Variants in DRG1 observed in about 807,000 individuals in gnomAD.
DRG1 encodes developmentally regulated GTP binding protein 1.
Under a neutral mutation model 38.8 loss-of-function variants are expected in DRG1, and 19 were observed. The ratio of observed to expected loss-of-function variants is 0.49; its 90% CI spans 0.34 to 0.72. The LOEUF (loss-of-function observed/expected upper bound fraction) is 0.72, where lower values mean the gene tolerates loss of function less well. DRG1 is among the 30% of genes least tolerant of loss of function. DRG1 has a pLI of 0.01. For synonymous variants in DRG1, 167 were observed against 157.5 expected, an observed-to-expected ratio of 1.06 and a Z score of -0.45; for missense variants, 299 against 444.8, an observed-to-expected ratio of 0.67 and a Z score of 2.95.
intron 7 of DRG1, 74 bp from the exon 8 acceptor site, chr22:31,426,983 GTGA>G: frequency 1.9e-6 from 3 of 1,589,064 alleles, no homozygotes; most frequent in Non-Finnish European, 2.6e-6. Context: ...GATGTCAGGG[GTGA>G]TGGAGGGTTG....
At chr22:31,406,006 CTTT>C (rs993821605) in intron 3 of DRG1, among the ~76,000 whole-genome samples, 8 of 129,432 alleles carry the variant, frequency 6.2e-5, no homozygotes, top group Non-Finnish European at 5.0e-5. Context: ...TTTCTTTTTT[CTTT>C]TTTTTTTTTT....
At chr22:31,404,364 C>G (rs980371752) in intron 3 of DRG1, among the ~76,000 whole-genome samples, 3 of 150,820 alleles carry the variant, frequency 2.0e-5, no homozygotes, top group African/African-American at 7.3e-5. Context: ...TTCAGCCTCC[C>G]GAGTAAGCTG....
At chr22:31,424,617 G>A (rs2050097862) in intron 6 of DRG1, among the ~76,000 whole-genome samples, 1 of 145,952 alleles carries the variant, frequency 6.9e-6, no homozygotes, top group South Asian at 2.3e-4. Flanking sequence ...TTCGGCCTCA[G>A]CCCCCTGAGT....
At chr22:31,421,047 G>A (rs2050073981) in intron 5 of DRG1, among the ~76,000 whole-genome samples, 1 of 152,106 alleles carries the variant, frequency 6.6e-6, no homozygotes, top group African/African-American at 2.4e-5. Flanking sequence ...AACCTCCTGA[G>A]TAGCTGGGAT....
rs1433687767 is a variant in DRG1, at chr22:31,399,809, G to C, written c.42+84G>C. 4 of 1,600,520 alleles carry C rather than the reference G, an allele frequency of 2.5e-6. No homozygotes were observed. The African/African-American group carries it at 5.4e-5, about 21-fold the overall frequency. Reference sequence around the variant, plus strand: ...GCTCCTTCCTGTTCTCCTTTGAGCCGCGTCAGGACCGGGCCTAGATTCCGC... The same window carrying C: ...GCTCCTTCCTGTTCTCCTTTGAGCCCCGTCAGGACCGGGCCTAGATTCCGC... On this transcript the variant is annotated intron_variant, in intron 1 of 8. Transcript: ENST00000331457.
chr22:31,406,925 T>A (rs139470891), intron 3 of DRG1, among the ~76,000 whole-genome samples: 52 of 152,356 alleles, frequency 3.4e-4, no homozygotes, highest in African/African-American at 1.2e-3. Context: ...TCTGTCTATT[T>A]GTTTGCCATC....
chr22:31,416,942 G>A (rs1285663260), intron 4 of DRG1, among the ~76,000 whole-genome samples: 2 of 150,600 alleles, frequency 1.3e-5, no homozygotes, highest in Non-Finnish European at 2.9e-5. Context: ...GTATGCTTCT[G>A]TAGTCCCAGC....
rs2050068279 is a variant in DRG1, at chr22:31,420,144, G to GC, written c.413-112_413-111insC. ...TTCACGTATGCATGTATGTATTACA[G>GC]AAAAATCCTTTGACACTTAAATGTA... On this transcript the variant is annotated intron_variant, in intron 4 of 8. Coordinates refer to ENST00000331457, the MANE Select transcript of DRG1 (RefSeq NM_004147.4). The GC allele has an allele frequency of 7.2e-6, 9 of 1,241,726 alleles. No individual in the cohort carries two copies. The East Asian group carries it at 1.9e-4, about 27-fold the overall frequency. The allele number at this position is 1,241,726 out of a possible 1,614,324, so 76.9% of individuals were successfully genotyped here. A position where few individuals can be genotyped will look rare whatever the true frequency, so the allele number is the denominator to read the frequency against.
chr22:31,408,693 C>A (rs1185105373), intron 3 of DRG1, among the ~76,000 whole-genome samples: 1 of 134,698 alleles, frequency 7.4e-6, no homozygotes, highest in Non-Finnish European at 1.5e-5. Flanking sequence ...GCGGACATTG[C>A]AATGAACCAA....
intron 4 of DRG1, among the ~76,000 whole-genome samples, chr22:31,418,513 AT>A (rs34122959): frequency 0.034 from 4,969 of 147,892 alleles, 205 homozygotes; most frequent in Admixed American, 0.084. Flanking sequence ...GAAGCAGAAT[AT>A]TTTTTTTTTT....
intron 3 of DRG1, among the ~76,000 whole-genome samples, chr22:31,407,409 C>T (rs2049994719): frequency 6.6e-6 from 1 of 152,140 alleles, no homozygotes; most frequent in South Asian, 2.1e-4. Context: ...GATCATGGCT[C>T]ACTGCAGCCT....
intron 3 of DRG1, among the ~76,000 whole-genome samples, chr22:31,409,175 G>C (rs2050005395): frequency 6.6e-6 from 1 of 152,068 alleles, no homozygotes; most frequent in Admixed American, 6.6e-5. Flanking sequence ...ACCTTCGACT[G>C]TCGGGTTCAA....
At chr22:31,429,652 TC>T (rs989160504) in intron 8 of DRG1, among the ~76,000 whole-genome samples, 12 of 151,388 alleles carry the variant, frequency 7.9e-5, no homozygotes, top group Admixed American at 5.3e-4. Context: ...TTTGATAAGC[TC>T]CTTTTTTTTT....
chr22:31,431,718 TGA>T (rs2050140365), intron 8 of DRG1, among the ~76,000 whole-genome samples: 2 of 152,270 alleles, frequency 1.3e-5, no homozygotes, highest in African/African-American at 4.8e-5. Context: ...CTAAGAGTAC[TGA>T]GAGAGTGAAG....
intron 8 of DRG1, among the ~76,000 whole-genome samples, chr22:31,433,515 C>T (rs2050153353): frequency 6.6e-6 from 1 of 152,184 alleles, no homozygotes; most frequent in African/African-American, 2.4e-5. Flanking sequence ...AGGTGATCCG[C>T]ACCCTTCGGC....
chr22:31,421,743 G>T (rs1000137265), intron 5 of DRG1, among the ~76,000 whole-genome samples: 2 of 151,980 alleles, frequency 1.3e-5, no homozygotes, highest in Non-Finnish European at 2.9e-5. Flanking sequence ...AATTATCTAG[G>T]CTGGATATAT....
intron 7 of DRG1, 26 bp from the exon 8 acceptor site, chr22:31,427,034 T>G (rs1040269076): frequency 3.1e-6 from 5 of 1,613,138 alleles, no homozygotes; most frequent in Non-Finnish European, 4.2e-6. Context: ...AAGAAGGCAG[T>G]AATCTTTATG....
At chr22:31,415,010 C>G (rs891084381) in intron 4 of DRG1, among the ~76,000 whole-genome samples, 4 of 152,046 alleles carry the variant, frequency 2.6e-5, no homozygotes, top group Non-Finnish European at 5.9e-5. Flanking sequence ...ACCCCGGGCT[C>G]GAGAGTCTCT....
chr22:31,423,579 T>C (rs1034463091), intron 6 of DRG1, among the ~76,000 whole-genome samples, 169 bp downstream of exon 6: 7 of 145,490 alleles, frequency 4.8e-5, no homozygotes, highest in African/African-American at 1.8e-4. Flanking sequence ...CAGGCTAGAG[T>C]GCAGTGGCGT....
Sources: allele counts gnomAD v4.1 joint callset (sites outside exome capture counted in the v4.1 genomes callset), GRCh38; gene constraint gnomAD v4.1.1; transcripts MANE v1.5; gene names NCBI Gene and HGNC (gene_info 2026-07-23, HGNC 2026-07-21).